The following MEIS2 variants were observed in gnomAD, a reference collection of about 807,000 sequenced individuals.
MEIS2 encodes homeobox protein Meis2.
Under a neutral mutation model 58.6 loss-of-function variants are expected in MEIS2, and 9 were observed. The ratio of observed to expected loss-of-function variants is 0.15; its 90% CI spans 0.09 to 0.27. The LOEUF (loss-of-function observed/expected upper bound fraction) is 0.27. Ranked by LOEUF, MEIS2 falls within the 10% of genes least tolerant of loss-of-function variation. The pLI, the probability that MEIS2 is intolerant of heterozygous loss-of-function variation, is 1.00. For missense variants in MEIS2, 427 were observed against 635.0 expected (o/e 0.67, Z 3.52); for synonymous variants, 221 against 228.4 (o/e 0.97, Z 0.29).
chr15:36,950,550 G>A, intron 8 of MEIS2, 150 bp from the exon 9 acceptor site: 1 of 714,512 alleles, frequency 1.4e-6, no homozygotes, highest in Non-Finnish European at 2.3e-6. Flanking sequence ...AGAAATGTGG[G>A]CAGGGACAAG....
chr15:37,087,257 T>C (rs2141930368), intron 6 of MEIS2, among the ~76,000 whole-genome samples: 1 of 152,260 alleles, frequency 6.6e-6, no homozygotes, highest in East Asian at 1.9e-4. Context: ...GTGGCTTTGG[T>C]AATTGGGAGT....
chr15:37,069,684 T>A (rs1209830238), intron 7 of MEIS2, among the ~76,000 whole-genome samples: 1 of 152,110 alleles, frequency 6.6e-6, no homozygotes, highest in African/African-American at 2.4e-5. Flanking sequence ...AATGCCCCGA[T>A]CATGACAAAA....
At chr15:37,039,829 T>C (rs1048782206) in intron 7 of MEIS2, among the ~76,000 whole-genome samples, 3 of 152,204 alleles carry the variant, frequency 2.0e-5, no homozygotes, top group African/African-American at 7.2e-5. Flanking sequence ...AATTTTAAAC[T>C]AATATATGTT....
chr15:37,092,646 ATCTT>A (rs1047838628), intron 6 of MEIS2, among the ~76,000 whole-genome samples: 2 of 133,848 alleles, frequency 1.5e-5, no homozygotes, highest in African/African-American at 5.7e-5. Flanking sequence ...ACCAGCTGCA[ATCTT>A]TCTTCTCTTT....
At chr15:37,069,591 A>G (rs1456257139) in intron 7 of MEIS2, among the ~76,000 whole-genome samples, 1 of 152,160 alleles carries the variant, frequency 6.6e-6, no homozygotes, top group Non-Finnish European at 1.5e-5. Context: ...CCCCCCACAC[A>G]TTACTGAGGG....
At chr15:37,036,374 T>C (rs1225128784) in intron 8 of MEIS2, 2 of 152,040 alleles carry the variant, frequency 1.3e-5, no homozygotes, top group Non-Finnish European at 2.9e-5. Context: ...AGCTTGGACA[T>C]GCATGTGGCA....
At chr15:37,099,239 C>T (rs1894794447) in intron 1 of MEIS2, 1 of 1,433,710 alleles carries the variant, frequency 7.0e-7, no homozygotes, top group Non-Finnish European at 9.1e-7. Context: ...AACACGCGCG[C>T]CCAGACACGC....
At chr15:36,892,894 T>C (rs113840854) in intron 11 of MEIS2, among the ~76,000 whole-genome samples, 1 of 152,226 alleles carries the variant, frequency 6.6e-6, no homozygotes, top group African/African-American at 2.4e-5. Context: ...ATATCTATAT[T>C]TCCTCATGAA....
At chr15:37,050,292 TA>T (rs1483344264) in intron 7 of MEIS2, among the ~76,000 whole-genome samples, 1 of 152,200 alleles carries the variant, frequency 6.6e-6, no homozygotes, top group Non-Finnish European at 1.5e-5. Context: ...CTCATATTCT[TA>T]GAACTTCATA....
intron 9 of MEIS2, among the ~76,000 whole-genome samples, chr15:36,927,761 A>T (rs1016878225): frequency 1.3e-5 from 2 of 152,274 alleles, no homozygotes; most frequent in Non-Finnish European, 1.5e-5. Flanking sequence ...ATCTCTGAAA[A>T]TAATGTCTGT....
At chr15:37,072,590 C>T (rs1016656531) in intron 7 of MEIS2, among the ~76,000 whole-genome samples, 3 of 152,136 alleles carry the variant, frequency 2.0e-5, no homozygotes, top group Non-Finnish European at 2.9e-5. Flanking sequence ...TATGCGCCTT[C>T]GCGCTGGCTG....
chr15:36,956,936 G>GGAA (rs913007386), intron 8 of MEIS2, among the ~76,000 whole-genome samples: 4 of 149,134 alleles, frequency 2.7e-5, no homozygotes, highest in Non-Finnish European at 5.9e-5. Context: ...AAAAGGAGGA[G>GGAA]GAAGAAGAAA....
intron 7 of MEIS2, among the ~76,000 whole-genome samples, chr15:37,076,527 G>A (rs1430049993): frequency 6.6e-6 from 1 of 151,930 alleles, no homozygotes; most frequent in African/African-American, 2.4e-5. Context: ...GACTCTAGGG[G>A]ACCCTCACTT....
intron 7 of MEIS2, among the ~76,000 whole-genome samples, chr15:37,042,425 C>T (rs1201656610): frequency 6.6e-6 from 1 of 152,132 alleles, no homozygotes; most frequent in Non-Finnish European, 1.5e-5. Flanking sequence ...CTGACATTTA[C>T]CATTGAGGAA....
intron 6 of MEIS2, among the ~76,000 whole-genome samples, chr15:37,086,605 C>T (rs1036570395): frequency 6.6e-6 from 1 of 152,114 alleles, no homozygotes; most frequent in Non-Finnish European, 1.5e-5. Context: ...AAAATGCTCT[C>T]CTGAAAAAGT....
At chr15:37,094,679 G>A in intron 4 of MEIS2, 102 bp from the exon 5 acceptor site, 1 of 926,216 alleles carries the variant, frequency 1.1e-6, no homozygotes, top group East Asian at 2.5e-5. Context: ...AGTTGGGCTG[G>A]GGAGAAGAAA....
chr15:37,099,122 G>C, intron 1 of MEIS2: 1 of 1,067,408 alleles, frequency 9.4e-7, no homozygotes, highest in African/African-American at 1.7e-5. Flanking sequence ...GGGGAATCGC[G>C]CTGCTGGGGT....
chr15:36,975,054 C>G (rs1440861711), intron 8 of MEIS2, among the ~76,000 whole-genome samples: 1 of 152,170 alleles, frequency 6.6e-6, no homozygotes, highest in African/African-American at 2.4e-5. Context: ...ATTTTAAACA[C>G]CTACCATATG....
chr15:36,980,636 A>C (rs1454847637), intron 8 of MEIS2, among the ~76,000 whole-genome samples: 1 of 152,182 alleles, frequency 6.6e-6, no homozygotes, highest in Non-Finnish European at 1.5e-5. Context: ...GGACACAGCC[A>C]ACCCATAACA....
Sources: gnomAD v4.1 joint callset for allele counts (sites outside exome capture counted in the v4.1 genomes callset) on GRCh38, gnomAD v4.1.1 for gene constraint, MANE v1.5 for transcripts, NCBI Gene and HGNC (gene_info 2026-07-23, HGNC 2026-07-21) for gene names.